The following BTRC variants were observed in gnomAD, a reference collection of about 807,000 sequenced individuals.
The protein encoded by BTRC is F-box/WD repeat-containing protein 1A.
BTRC carries 42 observed loss-of-function variants against 85.5 expected under a neutral mutation model. The observed-to-expected ratio is 0.49, with a 90% confidence interval of 0.38 to 0.64. The LOEUF (loss-of-function observed/expected upper bound fraction) is 0.64. BTRC is among the 30% of genes least tolerant of loss of function. The pLI is 0.00. For synonymous variants in BTRC, 255 were observed against 263.3 expected (o/e 0.97, Z 0.30); for missense variants, 594 against 743.5 (o/e 0.80, Z 2.34).
chr10:101,530,365 T>G (rs1428031404), intron 6 of BTRC, among the ~76,000 whole-genome samples: 3 of 152,150 alleles, frequency 2.0e-5, no homozygotes, highest in Non-Finnish European at 2.9e-5. Context: ...TTGCACTGAT[T>G]AGCAGCAGCC....
chr10:101,544,339 T>A (rs1349670943), intron 13 of BTRC, among the ~76,000 whole-genome samples: 1 of 152,214 alleles, frequency 6.6e-6, no homozygotes, highest in African/African-American at 2.4e-5. Context: ...TTAAAGAACT[T>A]ACTTTAACAT....
At chr10:101,542,645 C>T (rs1489975135) in intron 13 of BTRC, among the ~76,000 whole-genome samples, 1 of 152,222 alleles carries the variant, frequency 6.6e-6, no homozygotes, top group Non-Finnish European at 1.5e-5. Flanking sequence ...ACCCATGACT[C>T]ACTGCAGCCT....
chr10:101,467,503 A>G (rs1258171357), intron 3 of BTRC, among the ~76,000 whole-genome samples: 3 of 152,142 alleles, frequency 2.0e-5, no homozygotes, highest in African/African-American at 4.8e-5. Context: ...GGCAATAGTA[A>G]GCACTTTGGC....
intron 1 of BTRC, among the ~76,000 whole-genome samples, chr10:101,361,650 C>T (rs1213370488): frequency 6.6e-6 from 1 of 152,172 alleles, no homozygotes. Flanking sequence ...TTCTGCTGTA[C>T]TTGGGGAGAA....
chr10:101,485,112 T>A (rs1945947601), intron 4 of BTRC, among the ~76,000 whole-genome samples: 1 of 152,178 alleles, frequency 6.6e-6, no homozygotes, highest in African/African-American at 2.4e-5. Flanking sequence ...CATATGCCAT[T>A]GGTTGAGGAA....
chr10:101,422,489 A>C (rs1431139887), intron 1 of BTRC, among the ~76,000 whole-genome samples: 1 of 152,024 alleles, frequency 6.6e-6, no homozygotes, highest in Non-Finnish European at 1.5e-5. Context: ...CCCATTTGTC[A>C]ATTTTGGCTT....
In BTRC at chr10:101,385,366, CAA is replaced by C. The variant is rs10718968; in HGVS notation, c.48+31155_48+31156del. 3.6e-4 allele frequency among the ~76,000 whole-genome samples: 30 copies of C among 82,914 alleles called. No homozygotes were observed. In the East Asian group the frequency reaches 4.9e-3, roughly 14 times the overall value. The allele number at this position is 82,914 out of a possible 152,430, so 54.4% of individuals were successfully genotyped here. A position where few individuals can be genotyped will look rare whatever the true frequency, so the allele number is the denominator to read the frequency against. On this transcript the variant is annotated intron_variant, in intron 1 of 14. Transcript: ENST00000370187. ...TAGGTGACAGAACGAGACTCTGTCT[CAA>C]AAAAAAAAAAAAAAAAGAAAAGAAA...
chr10:101,402,205 GT>G (rs1378442487), intron 1 of BTRC, among the ~76,000 whole-genome samples: 1 of 150,842 alleles, frequency 6.6e-6, no homozygotes, highest in Non-Finnish European at 1.5e-5. Flanking sequence ...AGGAGGTTAT[GT>G]TTTTTTAAAG....
At chr10:101,365,635 T>TGC in intron 1 of BTRC, among the ~76,000 whole-genome samples, 2 of 151,256 alleles carry the variant, frequency 1.3e-5, no homozygotes, top group Non-Finnish European at 2.9e-5. Flanking sequence ...ATCACCACAC[T>TGC]CAGCTAATTT....
In BTRC at chr10:101,478,070, C is replaced by T. The variant is rs560415981; in HGVS notation, c.235-1298C>T. On this transcript the variant is annotated intron_variant, in intron 3 of 14. Transcript: ENST00000370187. ...ATCCCAGCACTTTGGGAGGCCGAGG[C>T]GGGTGGGTCACCTGAGGTCAGTAGT... Among the ~76,000 whole-genome samples the T allele has an allele frequency of 2.4e-4, 36 of 152,164 alleles. 1 individual carries two copies. Among genetic ancestry groups the T allele is most frequent in the African/African-American group, 8.4e-4 (35 of 41,544 alleles).
intron 3 of BTRC, among the ~76,000 whole-genome samples, chr10:101,466,260 G>A (rs1945369558): frequency 6.6e-6 from 1 of 152,126 alleles, no homozygotes; most frequent in Non-Finnish European, 1.5e-5. Context: ...GATAAATAAA[G>A]CATTGAGTAG....
rs57925473 is a variant in BTRC, at chr10:101,359,604, A to ATTT, written c.48+5387_48+5389dup. ...CACCTTGCCTGGCTAATTTTGTTGTATTTTTTTTTTTTTGAGATGGAGTTT... is the reference window on the plus strand; with the variant it reads ...CACCTTGCCTGGCTAATTTTGTTGTATTTTTTTTTTTTTTTTGAGATGGAGTTT... On this transcript the variant is annotated intron_variant, in intron 1 of 14. Coordinates refer to ENST00000370187, the MANE Select transcript of BTRC (RefSeq NM_033637.4). Among the ~76,000 whole-genome samples, 11 of 137,950 alleles carry ATTT rather than the reference A, an allele frequency of 8.0e-5. 2 individuals carry two copies. The highest frequency in any genetic ancestry group is 1.5e-4 in the Admixed American group (2 of 13,638). The allele number at this position is 137,950 out of a possible 152,430, so 90.5% of individuals were successfully genotyped here. A position where few individuals can be genotyped will look rare whatever the true frequency, so the allele number is the denominator to read the frequency against.
intron 1 of BTRC, among the ~76,000 whole-genome samples, chr10:101,379,668 A>T (rs764342156): frequency 7.2e-5 from 11 of 152,164 alleles, no homozygotes; most frequent in Non-Finnish European, 1.0e-4. Flanking sequence ...TCTTTGTTTA[A>T]AGTGGCACTC....
At chr10:101,451,995 T>C (rs887374789) in intron 2 of BTRC, among the ~76,000 whole-genome samples, 2 of 152,168 alleles carry the variant, frequency 1.3e-5, no homozygotes, top group African/African-American at 4.8e-5. Flanking sequence ...AGTTCATAAA[T>C]CAAAGGAGTT....
intron 4 of BTRC, among the ~76,000 whole-genome samples, chr10:101,491,943 T>A (rs908321468): frequency 1.3e-5 from 2 of 152,046 alleles, no homozygotes; most frequent in African/African-American, 4.8e-5. Flanking sequence ...AATATTACTA[T>A]TTTGTGTGTA....
intron 4 of BTRC, among the ~76,000 whole-genome samples, chr10:101,482,392 T>A (rs918252030): frequency 8.0e-6 from 1 of 125,782 alleles, no homozygotes; most frequent in Non-Finnish European, 1.8e-5. Flanking sequence ...TTTGTTTGTT[T>A]CTTTTTTTTT....
chr10:101,534,185 TAG>T (rs1450526398), intron 9 of BTRC, among the ~76,000 whole-genome samples: 1 of 152,078 alleles, frequency 6.6e-6, no homozygotes, highest in African/African-American at 2.4e-5. Context: ...GGCTTAGAAT[TAG>T]AGTCATGGTT....
chr10:101,545,487 G>T (rs996890168), intron 13 of BTRC, among the ~76,000 whole-genome samples: 2 of 152,114 alleles, frequency 1.3e-5, no homozygotes, highest in Non-Finnish European at 2.9e-5. Context: ...ACTGTATTTG[G>T]AGTTATAGGA....
intron 13 of BTRC, among the ~76,000 whole-genome samples, chr10:101,550,036 T>G (rs971718491): frequency 8.5e-5 from 13 of 152,144 alleles, no homozygotes; most frequent in African/African-American, 2.7e-4. Flanking sequence ...GCATACTGCT[T>G]CTTATTGCTC....
Sources: allele counts gnomAD v4.1 joint callset (sites outside exome capture counted in the v4.1 genomes callset), GRCh38; gene constraint gnomAD v4.1.1; transcripts MANE v1.5; gene names NCBI Gene and HGNC (gene_info 2026-07-23, HGNC 2026-07-21).